The following DNM3 variants were observed in gnomAD, a reference collection of about 807,000 sequenced individuals.
The protein encoded by DNM3 is dynamin-3.
A neutral mutation model predicts 101.6 loss-of-function variants in DNM3; 47 were observed. The observed-to-expected ratio is 0.46, with a 90% CI of 0.37 to 0.59. The LOEUF (loss-of-function observed/expected upper bound fraction) is 0.59, where lower values mean the gene tolerates loss of function less well. DNM3 is among the 20% of genes least tolerant of loss of function. The pLI, the probability that DNM3 is intolerant of heterozygous loss-of-function variation, is 0.00. For missense variants in DNM3, 849 were observed against 1,085.7 expected (o/e 0.78, Z 3.06); for synonymous variants, 385 against 387.9 (o/e 0.99, Z 0.09).
At chr1:172,212,751 T>C (rs1207488660) in intron 14 of DNM3, among the ~76,000 whole-genome samples, 2 of 152,140 alleles carry the variant, frequency 1.3e-5, no homozygotes, top group African/African-American at 2.4e-5. Flanking sequence ...AAAGATCAGA[T>C]AATTCTAATC....
intron 14 of DNM3, among the ~76,000 whole-genome samples, chr1:172,247,972 C>A (rs1257776793): frequency 6.6e-6 from 1 of 152,164 alleles, no homozygotes; most frequent in East Asian, 1.9e-4. Flanking sequence ...GTGTGAGCCA[C>A]CATACCTGGC....
At chr1:172,202,036 T>A (rs1413276467) in intron 14 of DNM3, among the ~76,000 whole-genome samples, 1 of 152,116 alleles carries the variant, frequency 6.6e-6, no homozygotes, top group Non-Finnish European at 1.5e-5. Flanking sequence ...CTGTCTTGCT[T>A]TTCTTTATTC....
At chr1:172,116,755 G>A (rs2055925862) in intron 13 of DNM3, among the ~76,000 whole-genome samples, 1 of 152,202 alleles carries the variant, frequency 6.6e-6, no homozygotes, top group Non-Finnish European at 1.5e-5. Flanking sequence ...TTTAATAGAA[G>A]AATGTGCATT....
At chr1:171,912,579 C>T (rs2039396123) in intron 1 of DNM3, among the ~76,000 whole-genome samples, 2 of 152,170 alleles carry the variant, frequency 1.3e-5, no homozygotes, top group African/African-American at 2.4e-5. Context: ...TGCAGCTCCA[C>T]TATCATATAT....
At chr1:172,318,005 T>C (rs1482809814) in intron 16 of DNM3, among the ~76,000 whole-genome samples, 6 of 152,146 alleles carry the variant, frequency 3.9e-5, no homozygotes, top group African/African-American at 1.4e-4. Context: ...ACTGGCAAAC[T>C]GAATCCAGCA....
At chr1:172,283,168 A>G (rs894508443) in intron 15 of DNM3, among the ~76,000 whole-genome samples, 4 of 152,156 alleles carry the variant, frequency 2.6e-5, no homozygotes, top group Non-Finnish European at 2.9e-5. Flanking sequence ...CTAAAACGCC[A>G]GGGGCTCCAT....
chr1:172,095,799 T>A (rs2054206696), intron 13 of DNM3, among the ~76,000 whole-genome samples: 1 of 152,236 alleles, frequency 6.6e-6, no homozygotes, highest in Non-Finnish European at 1.5e-5. Flanking sequence ...AAATTTGCTT[T>A]GTTTATGTCT....
At chr1:171,990,810 T>C (rs576698956) in intron 4 of DNM3, among the ~76,000 whole-genome samples, 14 of 152,278 alleles carry the variant, frequency 9.2e-5, no homozygotes, top group Admixed American at 7.8e-4. Context: ...CCACCATCCC[T>C]GAAACTGGGG....
intron 13 of DNM3, among the ~76,000 whole-genome samples, chr1:172,097,806 G>A (rs1275815334): frequency 2.0e-5 from 3 of 152,116 alleles, no homozygotes; most frequent in Admixed American, 6.6e-5. Flanking sequence ...AGAAATAAAG[G>A]GACAGAGTAC....
At chr1:171,969,202 G>A (rs2043812226) in intron 2 of DNM3, among the ~76,000 whole-genome samples, 1 of 152,060 alleles carries the variant, frequency 6.6e-6, no homozygotes, top group South Asian at 2.1e-4. Flanking sequence ...CAAGAGAAAA[G>A]CATAATGATT....
At chr1:172,180,494 T>G (rs182959523) in intron 14 of DNM3, among the ~76,000 whole-genome samples, 1 of 152,266 alleles carries the variant, frequency 6.6e-6, no homozygotes, top group African/African-American at 2.4e-5. Flanking sequence ...CATTGTAATA[T>G]CTGCAATGCA....
intron 14 of DNM3, among the ~76,000 whole-genome samples, chr1:172,212,938 G>A (rs750625723): frequency 1.3e-5 from 2 of 152,072 alleles, no homozygotes; most frequent in Non-Finnish European, 2.9e-5. Context: ...CTTAGAGATC[G>A]TCGTGTAGTC....
chr1:171,976,508 A>G (rs1337792954), intron 2 of DNM3, among the ~76,000 whole-genome samples: 2 of 152,178 alleles, frequency 1.3e-5, no homozygotes, highest in Non-Finnish European at 2.9e-5. Flanking sequence ...TGAGAACAGA[A>G]TAGGAAAGAC....
chr1:172,135,694 A>C (rs552572549), intron 14 of DNM3, among the ~76,000 whole-genome samples: 62 of 152,198 alleles, frequency 4.1e-4, no homozygotes, highest in Non-Finnish European at 8.7e-4. Flanking sequence ...CTGTCATTTC[A>C]AAAGTTTTTT....
chr1:172,043,560 G>C (rs1193485065), intron 8 of DNM3, among the ~76,000 whole-genome samples: 2 of 152,170 alleles, frequency 1.3e-5, no homozygotes, highest in Non-Finnish European at 2.9e-5. Flanking sequence ...GTGTGTAAGG[G>C]AGCCAGGCTT....
At chr1:172,354,038 T>C (rs1237379602) in intron 17 of DNM3, among the ~76,000 whole-genome samples, 1 of 149,858 alleles carries the variant, frequency 6.7e-6, no homozygotes, top group Non-Finnish European at 1.5e-5. Flanking sequence ...TTCTCCGAAA[T>C]AGGTAATAAT....
intron 18 of DNM3, among the ~76,000 whole-genome samples, chr1:172,386,465 G>A (rs1323881874): frequency 6.6e-6 from 1 of 152,042 alleles, no homozygotes; most frequent in Non-Finnish European, 1.5e-5. Context: ...TTATATATTA[G>A]CTAACTATGC....
intron 12 of DNM3, among the ~76,000 whole-genome samples, chr1:172,090,017 T>A (rs1289469205): frequency 6.6e-6 from 1 of 152,044 alleles, no homozygotes; most frequent in Admixed American, 6.6e-5. Context: ...AGCAAAGGAG[T>A]CATTAACGAT....
At chr1:172,027,733 C>A (rs763855403) in intron 4 of DNM3, among the ~76,000 whole-genome samples, 10 of 151,698 alleles carry the variant, frequency 6.6e-5, no homozygotes, top group Non-Finnish European at 1.3e-4. Flanking sequence ...AGGATATTTA[C>A]CAAGGAAATG....
Sources: allele counts gnomAD v4.1 joint callset (sites outside exome capture counted in the v4.1 genomes callset), GRCh38; gene constraint gnomAD v4.1.1; transcripts MANE v1.5; gene names NCBI Gene and HGNC (gene_info 2026-07-23, HGNC 2026-07-21).